The following CELF2 variants were observed in gnomAD, a reference collection of about 807,000 sequenced individuals.
CELF2 encodes CUGBP Elav-like family member 2.
A neutral mutation model predicts 62.6 loss-of-function variants in CELF2; 8 were observed. That is an observed-to-expected ratio of 0.13 (90% CI 0.07 to 0.23). The LOEUF (loss-of-function observed/expected upper bound fraction) is 0.23, where lower values mean the gene tolerates loss of function less well. Among genes scored for constraint, CELF2 ranks in the 10% least tolerant of loss-of-function variants. The pLI is 1.00. For synonymous variants in CELF2, 258 were observed against 250.0 expected, an observed-to-expected ratio of 1.03 and a Z score of -0.30; for missense variants, 333 against 671.0, an observed-to-expected ratio of 0.50 and a Z score of 5.56.
chr10:10,999,246 C>T (rs2054277693), intron 2 of CELF2, among the ~76,000 whole-genome samples: 1 of 152,174 alleles, frequency 6.6e-6, no homozygotes, highest in African/African-American at 2.4e-5. Flanking sequence ...AGAAATCCAT[C>T]CTCCGAACAA....
intron 1 of CELF2, among the ~76,000 whole-genome samples, chr10:10,888,544 TG>T (rs201416605): frequency 0.013 from 1,946 of 152,310 alleles, 43 homozygotes; most frequent in African/African-American, 0.042. Flanking sequence ...AAAGATTTTT[TG>T]TGGGTAACGA....
rs2074710492 is a variant in CELF2, at chr10:11,243,674, A to G, written c.355-5479A>G. ...CTCAGGAAAACCACTCTGTAAAGTC[A>G]GAGGCTGGTGTTTGTAAAATTCTTA... On this transcript the variant is annotated intron_variant, in intron 3 of 12. Coordinates refer to ENST00000633077, the MANE Select transcript of CELF2 (RefSeq NM_001326342.2). This position sits in a 1 kb window ranked among gnomAD's most constrained non-coding sequence, Gnocchi z 4.1. 6.6e-6 allele frequency among the ~76,000 whole-genome samples: 1 copy of G among 152,218 alleles called. No individual in the cohort carries two copies. The highest frequency in any genetic ancestry group is 2.1e-4 in the South Asian group (1 of 4,834).
the CELF2 span, among the ~76,000 whole-genome samples, chr10:10,782,434 G>A: frequency 4.6e-5 from 7 of 152,134 alleles, no homozygotes; most frequent in Admixed American, 2.0e-4. Flanking sequence ...TGTTCTAGTC[G>A]GGCCTTCAGT....
At chr10:11,013,888 T>G (rs2056859545), upstream of CELF2, among the ~76,000 whole-genome samples, 1 of 152,250 alleles carries the variant, frequency 6.6e-6, no homozygotes. This position sits in a 1 kb window ranked among gnomAD's most constrained non-coding sequence, Gnocchi z 4.1. Context: ...TGGGGTTTTT[T>G]GTTAACACAT....
the CELF2 span, among the ~76,000 whole-genome samples, chr10:10,732,183 G>A: frequency 0.4 from 60,945 of 151,980 alleles, 12,759 homozygotes; most frequent in Middle Eastern, 0.51. Flanking sequence ...TCTGGGGTCC[G>A]GCATGCACAG....
chr10:11,191,594 C>G lies in CELF2; in HGVS notation c.272-25831C>G, dbSNP rs955735954. On this transcript the variant is annotated intron_variant, in intron 2 of 12. Coordinates refer to ENST00000633077, the MANE Select transcript of CELF2 (RefSeq NM_001326342.2). The surrounding 1 kb of genome is among the most constrained non-coding windows in gnomAD (Gnocchi z 4.1). ...CACTGAGTAGCAGGGGAGGTTGGAG[C>G]CTGGGGCACCCCATGGCCTGCCCTT... Among the ~76,000 whole-genome samples, 4 of 152,080 alleles carry G rather than the reference C, an allele frequency of 2.6e-5. No individual in the cohort carries two copies. The highest frequency in any genetic ancestry group is 4.8e-5 in the African/African-American group (2 of 41,394).
the CELF2 span, among the ~76,000 whole-genome samples, chr10:10,587,030 G>A: frequency 6.8e-4 from 104 of 152,274 alleles, 1 homozygote; most frequent in African/African-American, 2.4e-3. Flanking sequence ...TACAAAACAT[G>A]AGCAGAACCA....
chr10:11,174,432 T>C (rs544229765), intron 2 of CELF2, among the ~76,000 whole-genome samples: 23 of 152,258 alleles, frequency 1.5e-4, no homozygotes, highest in Admixed American at 3.3e-4. Flanking sequence ...TCATTCTCTA[T>C]GTAAGTGACA....
At chr10:11,026,488 T>C (rs1358546886) in intron 1 of CELF2, among the ~76,000 whole-genome samples, 1 of 152,150 alleles carries the variant, frequency 6.6e-6, no homozygotes, top group Non-Finnish European at 1.5e-5. Flanking sequence ...CTTAGGGGAA[T>C]AATAGAAAGA....
the CELF2 span, among the ~76,000 whole-genome samples, chr10:10,775,004 G>A: frequency 8.6e-5 from 13 of 151,800 alleles, no homozygotes; most frequent in East Asian, 1.9e-4. Context: ...TCAGCCTCCC[G>A]AGTAGCTGGG....
chr10:10,903,698 T>C (rs1432088003), intron 1 of CELF2, among the ~76,000 whole-genome samples: 1 of 152,136 alleles, frequency 6.6e-6, no homozygotes, highest in Non-Finnish European at 1.5e-5. Flanking sequence ...TGGTGATGAG[T>C]ATCCACCCTG....
chr10:10,501,829 A>C, the CELF2 span, among the ~76,000 whole-genome samples: 181 of 152,278 alleles, frequency 1.2e-3, no homozygotes, highest in Non-Finnish European at 2.1e-3. Flanking sequence ...GTGAGAGCAG[A>C]CATTTTTGCA....
intron 1 of CELF2, chr10:11,097,297 T>G (rs2050165957): frequency 6.6e-6 from 1 of 152,246 alleles, no homozygotes; most frequent in African/African-American, 2.4e-5. Flanking sequence ...TTAAAAATAT[T>G]TATATGTCTT....
the CELF2 span, among the ~76,000 whole-genome samples, chr10:10,627,474 T>C: frequency 6.6e-6 from 1 of 152,200 alleles, no homozygotes; most frequent in African/African-American, 2.4e-5. Flanking sequence ...CTCTCTAGAA[T>C]GCAGAGGGCT....
chr10:10,811,622 T>G (rs948781850), intron 1 of CELF2, among the ~76,000 whole-genome samples: 1 of 152,160 alleles, frequency 6.6e-6, no homozygotes, highest in African/African-American at 2.4e-5. Flanking sequence ...ATAAGCCCTA[T>G]GTATTCAATG....
chr10:10,551,826 C>T, the CELF2 span, among the ~76,000 whole-genome samples: 4 of 152,120 alleles, frequency 2.6e-5, no homozygotes, highest in Non-Finnish European at 4.4e-5. Context: ...TGCCCTCTGA[C>T]CCCTTCCTCT....
chr10:11,137,652 A>C (rs748997797), intron 1 of CELF2, among the ~76,000 whole-genome samples: 1 of 152,174 alleles, frequency 6.6e-6, no homozygotes, highest in Non-Finnish European at 1.5e-5. Flanking sequence ...CTCTCATTAC[A>C]TCATCATCAT....
chr10:10,932,682 G>A (rs746128207), intron 2 of CELF2, among the ~76,000 whole-genome samples: 1 of 119,174 alleles, frequency 8.4e-6, no homozygotes, highest in Non-Finnish European at 1.8e-5. Context: ...GTGTATGTGT[G>A]TGTGTGTGTG....
At chr10:11,264,541 C>T (rs1483914915) in intron 5 of CELF2, among the ~76,000 whole-genome samples, 1 of 152,190 alleles carries the variant, frequency 6.6e-6, no homozygotes, top group Non-Finnish European at 1.5e-5. Flanking sequence ...CTTGTAGTTT[C>T]AAGATAAGAA....
Sources: allele counts gnomAD v4.1 joint callset (sites outside exome capture counted in the v4.1 genomes callset), GRCh38; gene constraint gnomAD v4.1.1; non-coding constraint Gnocchi (gnomAD v3.1); transcripts MANE v1.5; gene names NCBI Gene and HGNC (gene_info 2026-07-23, HGNC 2026-07-21).